The following TMEM132D variants were observed in gnomAD, a reference collection of about 807,000 sequenced individuals.
TMEM132D encodes the protein transmembrane protein 132D, also known as mature OL transmembrane protein.
In TMEM132D, 21 loss-of-function variants were observed where a neutral mutation model predicts 62.3. The ratio of observed to expected loss-of-function variants is 0.34; its 90% CI spans 0.24 to 0.49. The LOEUF (loss-of-function observed/expected upper bound fraction) is 0.49. TMEM132D is among the 20% of genes least tolerant of loss of function. The pLI is 0.99. For synonymous variants in TMEM132D, 621 were observed against 575.6 expected, an observed-to-expected ratio of 1.08 and a Z score of -1.13; for missense variants, 1,346 against 1,402.8, an observed-to-expected ratio of 0.96 and a Z score of 0.65.
At chr12:129,500,785 G>A (rs1044175392) in intron 3 of TMEM132D, among the ~76,000 whole-genome samples, 8 of 152,142 alleles carry the variant, frequency 5.3e-5, no homozygotes, top group Non-Finnish European at 8.8e-5. Flanking sequence ...CAGCCCAAAT[G>A]ACCCAAAAGC....
At chr12:129,725,386 C>A (rs1868994036) in intron 1 of TMEM132D, among the ~76,000 whole-genome samples, 1 of 152,192 alleles carries the variant, frequency 6.6e-6, no homozygotes, top group Non-Finnish European at 1.5e-5. Flanking sequence ...TAGCATTTTC[C>A]AAGTTCTGTA....
At chr12:129,281,621 G>A (rs1227186138) in intron 4 of TMEM132D, among the ~76,000 whole-genome samples, 1 of 151,876 alleles carries the variant, frequency 6.6e-6, no homozygotes, top group African/African-American at 2.4e-5. Context: ...TCTTCCTGAC[G>A]CCCCCGTAGC....
chr12:129,480,727 A>C (rs560344432), intron 3 of TMEM132D, among the ~76,000 whole-genome samples: 1 of 152,312 alleles, frequency 6.6e-6, no homozygotes, highest in Non-Finnish European at 1.5e-5. Flanking sequence ...GGCAATGCTA[A>C]GTGTTGGCAA....
intron 5 of TMEM132D, among the ~76,000 whole-genome samples, chr12:129,126,401 C>T (rs1374130558): frequency 6.7e-6 from 1 of 149,608 alleles, no homozygotes; most frequent in Admixed American, 6.6e-5. Flanking sequence ...CATTTTTTGG[C>T]CCCTTCAACC....
intron 2 of TMEM132D, among the ~76,000 whole-genome samples, chr12:129,551,411 T>C (rs1042045927): frequency 1.3e-5 from 2 of 152,176 alleles, no homozygotes; most frequent in African/African-American, 4.8e-5. Context: ...GTCTCTCTCT[T>C]GGGAGTCATT....
At chr12:129,526,192 T>A (rs1023082089) in intron 3 of TMEM132D, among the ~76,000 whole-genome samples, 2 of 152,212 alleles carry the variant, frequency 1.3e-5, no homozygotes, top group African/African-American at 2.4e-5. Context: ...TATGCTTTTT[T>A]CATCATCCTA....
chr12:129,585,520 G>A (rs762321008), intron 2 of TMEM132D, among the ~76,000 whole-genome samples: 4 of 152,196 alleles, frequency 2.6e-5, no homozygotes, highest in Non-Finnish European at 5.9e-5. Context: ...CCGTAACTGA[G>A]GCACTTGTGG....
chr12:129,820,884 T>C (rs980596403), intron 1 of TMEM132D, among the ~76,000 whole-genome samples: 1 of 152,212 alleles, frequency 6.6e-6, no homozygotes, highest in Non-Finnish European at 1.5e-5. Flanking sequence ...CCAACACGCC[T>C]GGCTGCCCCC....
intron 2 of TMEM132D, among the ~76,000 whole-genome samples, chr12:129,647,052 G>A (rs961059611): frequency 6.6e-6 from 1 of 151,096 alleles, no homozygotes; most frequent in Admixed American, 6.6e-5. Flanking sequence ...CACCTGCCTC[G>A]GCCTCCCAAA....
At chr12:129,646,895 G>A (rs538369069) in intron 2 of TMEM132D, among the ~76,000 whole-genome samples, 1 of 151,242 alleles carries the variant, frequency 6.6e-6, no homozygotes, top group Non-Finnish European at 1.5e-5. Context: ...CGCTTCTCAG[G>A]TTCAAGCAAT....
At chr12:129,187,577 T>A (rs1878253370) in intron 5 of TMEM132D, among the ~76,000 whole-genome samples, 1 of 142,914 alleles carries the variant, frequency 7.0e-6, no homozygotes, top group South Asian at 2.3e-4. Context: ...TCATTTAATG[T>A]TTTCAAATTG....
At chr12:129,309,372 C>T (rs183588858) in intron 4 of TMEM132D, among the ~76,000 whole-genome samples, 262 of 152,340 alleles carry the variant, frequency 1.7e-3, no homozygotes, top group Non-Finnish European at 3.2e-3. Flanking sequence ...TACTTTATCA[C>T]TACTTAGGCA....
At position 129,446,474 on chromosome 12, in the gene TMEM132D, T is replaced by C. The variant is rs149873081; in HGVS notation, c.1115+84585A>G. On this transcript the variant is annotated intron_variant, in intron 3 of 8. Transcript: ENST00000422113. ...CTCAGGAATTGGGTCATAGCAGGAA[T>C]GAGAGAGACAAGATCTCTGTCCTTA... Among the ~76,000 whole-genome samples, 1,069 of 152,320 alleles carry C rather than the reference T, an allele frequency of 7.0e-3. 6 individuals are homozygous for C. The highest frequency in any genetic ancestry group is 1.0e-2 in the African/African-American group (415 of 41,572).
intron 2 of TMEM132D, among the ~76,000 whole-genome samples, chr12:129,666,893 G>A (rs1241567112): frequency 2.6e-5 from 4 of 152,156 alleles, no homozygotes; most frequent in Non-Finnish European, 5.9e-5. Flanking sequence ...TTGTTAAAGG[G>A]AATGTAATTT....
At chr12:129,345,312 G>A (rs2135664647) in intron 3 of TMEM132D, among the ~76,000 whole-genome samples, 1 of 152,250 alleles carries the variant, frequency 6.6e-6, no homozygotes, top group Non-Finnish European at 1.5e-5. Context: ...CTTGTTAGTG[G>A]AACTCGGCCA....
intron 5 of TMEM132D, among the ~76,000 whole-genome samples, chr12:129,199,176 C>T (rs1440945255): frequency 7.2e-6 from 1 of 138,190 alleles, no homozygotes; most frequent in East Asian, 2.3e-4. Flanking sequence ...GTGGTGCCAT[C>T]ATGGCTCACT....
intron 3 of TMEM132D, among the ~76,000 whole-genome samples, chr12:129,410,480 C>T (rs1387627142): frequency 6.6e-6 from 1 of 152,186 alleles, no homozygotes; most frequent in African/African-American, 2.4e-5. Flanking sequence ...CTGCCTCAGC[C>T]TCCCAAATAG....
chr12:129,570,033 T>C (rs997782759), intron 2 of TMEM132D, among the ~76,000 whole-genome samples: 4 of 152,270 alleles, frequency 2.6e-5, no homozygotes, highest in Non-Finnish European at 4.4e-5. Flanking sequence ...AGCCGAGTGA[T>C]GGAACCAATT....
chr12:129,531,480 G>T (rs773693207), intron 2 of TMEM132D, among the ~76,000 whole-genome samples: 1 of 152,148 alleles, frequency 6.6e-6, no homozygotes, highest in Non-Finnish European at 1.5e-5. Flanking sequence ...GCACTAGCTT[G>T]TATCTTTAAA....
Sources: gnomAD v4.1 joint callset for allele counts (sites outside exome capture counted in the v4.1 genomes callset) on GRCh38, gnomAD v4.1.1 for gene constraint, MANE v1.5 for transcripts, NCBI Gene and HGNC (gene_info 2026-07-23, HGNC 2026-07-21) for gene names.